Variants in ADAMTS9 observed in about 807,000 individuals in gnomAD.
ADAMTS9 encodes the protein ADAM metallopeptidase with thrombospondin type 1 motif 9.
In ADAMTS9, 107 loss-of-function variants were observed where a neutral mutation model predicts 257.1. The ratio of observed to expected loss-of-function variants is 0.42; its 90% CI spans 0.36 to 0.49. ADAMTS9 has a LOEUF of 0.49. ADAMTS9 is among the 20% of genes least tolerant of loss of function. The pLI is 0.03. For synonymous variants in ADAMTS9, 982 were observed against 880.9 expected (o/e 1.11, Z -2.03); for missense variants, 2,353 against 2,469.1 (o/e 0.95, Z 1.00).
chr3:64,575,475 C>T (rs1322143367), intron 28 of ADAMTS9, among the ~76,000 whole-genome samples: 1 of 152,168 alleles, frequency 6.6e-6, no homozygotes, highest in Non-Finnish European at 1.5e-5. Flanking sequence ...GATTCTTTCT[C>T]ACCCCTAAGC....
rs751302415 is a variant in ADAMTS9 at position 64,541,828 on chromosome 3, GC to G, written c.5197+9del. The G allele has an allele frequency of 8.1e-6, 13 of 1,613,794 alleles. No homozygotes were observed. In the African/African-American group the frequency reaches 1.5e-4, roughly 18 times the overall value. ...TGCTAAAGAAAGATAACTTCAGTTG[GC>G]CAACTTACAGTTATAGACATTACGG... is the stretch of plus-strand genomic sequence containing the variant. On this transcript the variant is annotated intron_variant, in intron 33 of 39. Transcript: ENST00000498707.
chr3:64,627,267 T>G (rs372510984), intron 16 of ADAMTS9, among the ~76,000 whole-genome samples: 4 of 152,256 alleles, frequency 2.6e-5, no homozygotes, highest in Admixed American at 6.5e-5. Flanking sequence ...TCCATGCATA[T>G]TCTTTATTCC....
At chr3:64,611,511 G>C (rs2084665265) in intron 22 of ADAMTS9, among the ~76,000 whole-genome samples, 1 of 152,152 alleles carries the variant, frequency 6.6e-6, no homozygotes, top group Non-Finnish European at 1.5e-5. Flanking sequence ...GCTTAGTTCA[G>C]TGGTCCCCAG....
At chr3:64,659,137 T>C (rs1701161173) in intron 3 of ADAMTS9, among the ~76,000 whole-genome samples, 1 of 152,214 alleles carries the variant, frequency 6.6e-6, no homozygotes, top group Admixed American at 6.5e-5. Context: ...GCCATAGATA[T>C]AGTAAGGGCC....
chr3:64,670,052 T>C (rs1010167346), intron 3 of ADAMTS9, among the ~76,000 whole-genome samples: 1 of 152,180 alleles, frequency 6.6e-6, no homozygotes, highest in African/African-American at 2.4e-5. Context: ...TTATATATTC[T>C]ATCCCTCTTC....
rs556491515 is a variant in ADAMTS9, at chr3:64,540,787, A to G, written c.5521+308T>C. Among the ~76,000 whole-genome samples the G allele has an allele frequency of 4.6e-4, 70 of 151,742 alleles. 1 individual carries two copies. The highest frequency in any genetic ancestry group is 1.6e-3 in the African/African-American group (66 of 41,096). ...CATTTCAATGGTGCTTCTTTCATGCACTTTCACCTACTTCATTCATTCATT... is the reference window on the plus strand; with the variant it reads ...CATTTCAATGGTGCTTCTTTCATGCGCTTTCACCTACTTCATTCATTCATT... On this transcript the variant is annotated intron_variant, in intron 36 of 39. Transcript: ENST00000498707.
intron 19 of ADAMTS9, among the ~76,000 whole-genome samples, chr3:64,618,316 T>C (rs575142446): frequency 1.3e-5 from 2 of 152,356 alleles, no homozygotes; most frequent in African/African-American, 2.4e-5. Context: ...TCTGACGTGC[T>C]GTCCTTGTTT....
chr3:64,666,928 C>A (rs901997508), intron 3 of ADAMTS9, among the ~76,000 whole-genome samples: 1 of 152,140 alleles, frequency 6.6e-6, no homozygotes, highest in African/African-American at 2.4e-5. Context: ...AGGAGGAATG[C>A]CTGAGGCTAG....
At chr3:64,580,887 A>T (rs143887520) in intron 28 of ADAMTS9, among the ~76,000 whole-genome samples, 88 of 152,236 alleles carry the variant, frequency 5.8e-4, no homozygotes, top group African/African-American at 2.0e-3. Flanking sequence ...CACAAACCAA[A>T]ATTCATGTTT....
rs192394770 is a variant in ADAMTS9, at chr3:64,637,178, G to C, written c.1857-3299C>G. Among the ~76,000 whole-genome samples, 200 of 152,318 alleles carry C rather than the reference G, an allele frequency of 1.3e-3. 1 individual carries two copies. The highest frequency in any genetic ancestry group is 4.6e-3 in the African/African-American group (192 of 41,574). ...TTTCCTCTCTCCCAGATTGCTGCCT[G>C]ATTTACATGGACTATGTAATAGAGA... On this transcript the variant is annotated intron_variant, in intron 12 of 39. Transcript: ENST00000498707.
At position 64,655,702 on chromosome 3, in the gene ADAMTS9, AG is replaced by A; in HGVS notation, c.1054-12del. On this transcript the variant is annotated splice_polypyrimidine_tract_variant and intron_variant, in intron 5 of 39. Coordinates refer to ENST00000498707, the MANE Select transcript of ADAMTS9 (RefSeq NM_182920.2). ...TATGGAAGGCCCATCCTAAATACAG[AG>A]AAGAATTATGGTTAATCTGTTGTAC... 6.2e-7 allele frequency: 1 copy of A among 1,610,148 alleles called. No individual in the cohort carries two copies.
At chr3:64,554,468 G>C (rs1406480104) in intron 30 of ADAMTS9, among the ~76,000 whole-genome samples, 1 of 152,108 alleles carries the variant, frequency 6.6e-6, no homozygotes, top group East Asian at 1.9e-4. Flanking sequence ...TCGAGTCCAT[G>C]CTATCAGGTT....
At chr3:64,676,576 AAT>A (rs1701629593) in intron 3 of ADAMTS9, among the ~76,000 whole-genome samples, 1 of 152,098 alleles carries the variant, frequency 6.6e-6, no homozygotes, top group Non-Finnish European at 1.5e-5. Flanking sequence ...TTGTTCACTG[AAT>A]ATATATTCTG....
At position 64,658,641 on chromosome 3, in the gene ADAMTS9, CT is replaced by C; in HGVS notation, c.829del (p.Arg277GlufsTer19). 6.2e-7 allele frequency: 1 copy of C among 1,614,024 alleles called. No individual in the cohort carries two copies. The highest frequency in any genetic ancestry group is 8.5e-7 in the Non-Finnish European group (1 of 1,180,002). On this transcript the variant is annotated frameshift_variant, in exon 4 of 40. Transcript: ENST00000498707. LOFTEE classifies it high-confidence loss of function. ...TGTCCTTCTGTGGGTCCTCTTTTCT[CT>C]TGTGTTGTCCGTCTTATTACCATAA... is the stretch of plus-strand genomic sequence containing the variant. ...SAYGNKTDNTREKRTHRRTKR... is the reference protein window; with the variant it reads ...SAYGNKTDNTXEKRTHRRTKR...
At chr3:64,573,062 T>C (rs542668479) in intron 28 of ADAMTS9, among the ~76,000 whole-genome samples, 35 of 127,156 alleles carry the variant, frequency 2.8e-4, no homozygotes, top group African/African-American at 1.1e-3. Context: ...GGCGACGGAG[T>C]GAGTGAGACT....
intron 28 of ADAMTS9, among the ~76,000 whole-genome samples, chr3:64,574,745 C>T (rs925661240): frequency 2.0e-5 from 3 of 151,598 alleles, no homozygotes; most frequent in African/African-American, 7.3e-5. Context: ...CCCCCCTCCC[C>T]ACACACACAC....
At chr3:64,518,523 T>A (rs1575969928) in intron 39 of ADAMTS9, among the ~76,000 whole-genome samples, 1 of 152,290 alleles carries the variant, frequency 6.6e-6, no homozygotes, top group Non-Finnish European at 1.5e-5. Context: ...AGGTCAGGGA[T>A]TGCCGAACTT....
chr3:64,538,864 C>T (rs1480437792), intron 37 of ADAMTS9, among the ~76,000 whole-genome samples: 1 of 152,086 alleles, frequency 6.6e-6, no homozygotes, highest in Non-Finnish European at 1.5e-5. Context: ...TAAATATTTA[C>T]TAGCACTCCG....
intron 39 of ADAMTS9, among the ~76,000 whole-genome samples, chr3:64,521,882 A>G (rs986874685): frequency 3.3e-5 from 5 of 152,206 alleles, no homozygotes; most frequent in African/African-American, 1.2e-4. Context: ...TCAACACACT[A>G]TAACAGTGTA....
Sources: allele counts gnomAD v4.1 joint callset (sites outside exome capture counted in the v4.1 genomes callset), GRCh38; gene constraint gnomAD v4.1.1; transcripts MANE v1.5; gene names NCBI Gene and HGNC (gene_info 2026-07-23, HGNC 2026-07-21).